SYN3: variants seen among roughly 807,000 people sequenced by gnomAD.
The protein encoded by SYN3 is synapsin III, also known as synapsin-3.
A neutral mutation model predicts 65.8 loss-of-function variants in SYN3; 35 were observed. The observed-to-expected ratio is 0.53, with a 90% CI of 0.41 to 0.70. SYN3 has a LOEUF of 0.70. Among genes scored for constraint, SYN3 ranks in the 30% least tolerant of loss-of-function variants. The pLI is 0.00. For synonymous variants in SYN3, 270 were observed against 292.9 expected (o/e 0.92, Z 0.80); for missense variants, 680 against 749.0 (o/e 0.91, Z 1.08).
chr22:33,004,085 A>C (rs1189745849), intron 2 of SYN3, among the ~76,000 whole-genome samples: 2 of 152,232 alleles, frequency 1.3e-5, no homozygotes, highest in Non-Finnish European at 2.9e-5. Context: ...CCTAGATTTC[A>C]GAGGATGTAT....
At chr22:33,028,718 T>TGG (rs1601930597) in intron 1 of SYN3, among the ~76,000 whole-genome samples, 1 of 127,316 alleles carries the variant, frequency 7.9e-6, no homozygotes, top group Non-Finnish European at 1.7e-5. Context: ...GGTGGTGGGG[T>TGG]TGCTACCATT....
At chr22:32,719,092 T>C (rs2061079751) in intron 6 of SYN3, among the ~76,000 whole-genome samples, 1 of 152,216 alleles carries the variant, frequency 6.6e-6, no homozygotes. Flanking sequence ...CCTCAGGCTT[T>C]TCCTGGTTCT....
intron 6 of SYN3, among the ~76,000 whole-genome samples, chr22:32,790,831 G>C (rs1004085582): frequency 6.6e-6 from 1 of 152,152 alleles, no homozygotes; most frequent in Non-Finnish European, 1.5e-5. Context: ...TGCAGCACTG[G>C]GGTCTCTAGA....
intron 6 of SYN3, among the ~76,000 whole-genome samples, chr22:32,836,694 G>A (rs1361941467): frequency 1.3e-5 from 2 of 152,178 alleles, no homozygotes; most frequent in Non-Finnish European, 2.9e-5. Context: ...GAGGTGCTGA[G>A]TGAGTAGGGG....
At chr22:32,874,987 C>G (rs2048946136) in intron 4 of SYN3, among the ~76,000 whole-genome samples, 1 of 152,202 alleles carries the variant, frequency 6.6e-6, no homozygotes, top group Admixed American at 6.5e-5. Flanking sequence ...TAGGGTACCA[C>G]TATTCTGCAA....
intron 6 of SYN3, among the ~76,000 whole-genome samples, chr22:32,810,998 C>T (rs1175473863): frequency 1.3e-5 from 2 of 151,964 alleles, no homozygotes; most frequent in African/African-American, 4.8e-5. Context: ...TATTATGTAC[C>T]ACGTGGTAAC....
chr22:33,017,814 C>T (rs1479390224), intron 1 of SYN3, among the ~76,000 whole-genome samples: 4 of 148,516 alleles, frequency 2.7e-5, no homozygotes, highest in Non-Finnish European at 5.9e-5. Context: ...ATCATGTCAT[C>T]AGCAAACAGA....
intron 6 of SYN3, among the ~76,000 whole-genome samples, chr22:32,653,954 C>G (rs989967005): frequency 6.6e-6 from 1 of 152,186 alleles, no homozygotes; most frequent in Non-Finnish European, 1.5e-5. Flanking sequence ...TCTGTGAACA[C>G]GTGCCACTGC....
chr22:32,933,294 A>T (rs908456958), intron 3 of SYN3, among the ~76,000 whole-genome samples: 2 of 152,250 alleles, frequency 1.3e-5, no homozygotes, highest in Non-Finnish European at 2.9e-5. Context: ...ACACATATGA[A>T]TTCATTTAAT....
intron 6 of SYN3, among the ~76,000 whole-genome samples, chr22:32,849,761 C>T (rs2048167203): frequency 6.6e-6 from 1 of 152,140 alleles, no homozygotes; most frequent in Admixed American, 6.5e-5. Context: ...GGAGTCACTC[C>T]AAGGCACTTG....
At chr22:32,806,918 T>G (rs1301216705) in intron 6 of SYN3, among the ~76,000 whole-genome samples, 1 of 152,108 alleles carries the variant, frequency 6.6e-6, no homozygotes, top group Non-Finnish European at 1.5e-5. Context: ...CATAGCAAAT[T>G]TATAGTAGTT....
chr22:33,006,984 C>A (rs187812756), intron 1 of SYN3, among the ~76,000 whole-genome samples, 160 bp from the exon 2 acceptor site: 190 of 152,304 alleles, frequency 1.2e-3, no homozygotes, highest in African/African-American at 4.4e-3. Context: ...AGCTTTTTAA[C>A]CTACAATTTC....
At chr22:32,651,574 G>C (rs963654799) in intron 6 of SYN3, among the ~76,000 whole-genome samples, 3 of 152,110 alleles carry the variant, frequency 2.0e-5, no homozygotes, top group African/African-American at 7.2e-5. Flanking sequence ...TTGAATGAAT[G>C]AATGAATGAA....
chr22:32,913,525 G>GAT (rs1284850229), intron 4 of SYN3, among the ~76,000 whole-genome samples: 1 of 151,938 alleles, frequency 6.6e-6, no homozygotes, highest in Non-Finnish European at 1.5e-5. Flanking sequence ...GTAGAGAAGA[G>GAT]ATTGGGGGCA....
chr22:33,013,747 G>A (rs1012065324), intron 1 of SYN3, among the ~76,000 whole-genome samples: 2 of 152,020 alleles, frequency 1.3e-5, no homozygotes, highest in Non-Finnish European at 2.9e-5. Flanking sequence ...CCAGCCTTAG[G>A]CAACCACATT....
chr22:32,608,027 G>A (rs953374692), intron 6 of SYN3, among the ~76,000 whole-genome samples: 1 of 152,126 alleles, frequency 6.6e-6, no homozygotes, highest in African/African-American at 2.4e-5. Context: ...CTGTAGATGG[G>A]GAAAAGCACC....
chr22:32,520,097 A>G (rs1318992929), intron 12 of SYN3, among the ~76,000 whole-genome samples: 1 of 152,152 alleles, frequency 6.6e-6, no homozygotes, highest in Non-Finnish European at 1.5e-5. Flanking sequence ...AAATAGGTGA[A>G]CATAATTTTA....
chr22:32,712,102 G>A (rs927381187), intron 6 of SYN3, among the ~76,000 whole-genome samples: 1 of 152,162 alleles, frequency 6.6e-6, no homozygotes, highest in Middle Eastern at 3.2e-3. Context: ...CTGCCGAGCA[G>A]GAAGAATTTC....
intron 6 of SYN3, chr22:32,858,203 TC>T: frequency 2.5e-6 from 4 of 1,599,930 alleles, no homozygotes; most frequent in Non-Finnish European, 3.4e-6. Context: ...AAACATCAGC[TC>T]CCAATGCACT....
Sources: allele counts gnomAD v4.1 joint callset (sites outside exome capture counted in the v4.1 genomes callset), GRCh38; gene constraint gnomAD v4.1.1; transcripts MANE v1.5; gene names NCBI Gene and HGNC (gene_info 2026-07-23, HGNC 2026-07-21).